MAP7: variants seen among roughly 807,000 people sequenced by gnomAD.
MAP7 encodes microtubule associated protein 7.
In MAP7, 52 loss-of-function variants were observed where a neutral mutation model predicts 94.8. The ratio of observed to expected loss-of-function variants is 0.55; its 90% CI spans 0.44 to 0.69. The LOEUF (loss-of-function observed/expected upper bound fraction) is 0.69. Ranked by LOEUF, MAP7 falls within the 30% of genes least tolerant of loss-of-function variation. MAP7 has a pLI of 0.00. For synonymous variants in MAP7, 350 were observed against 357.0 expected (o/e 0.98, Z 0.22); for missense variants, 940 against 964.6 (o/e 0.97, Z 0.34).
At chr6:136,491,708 T>C (rs1310544069) in intron 1 of MAP7, among the ~76,000 whole-genome samples, 2 of 152,220 alleles carry the variant, frequency 1.3e-5, no homozygotes, top group Non-Finnish European at 2.9e-5. Flanking sequence ...GTTATATTGA[T>C]TGAATGGAAA....
chr6:136,498,333 C>T (rs934378615), intron 1 of MAP7, among the ~76,000 whole-genome samples: 4 of 151,976 alleles, frequency 2.6e-5, no homozygotes, highest in Non-Finnish European at 5.9e-5. Flanking sequence ...GGAATAGGGC[C>T]CGTACATAGA....
At chr6:136,499,136 T>C (rs910869509) in intron 1 of MAP7, among the ~76,000 whole-genome samples, 3 of 152,058 alleles carry the variant, frequency 2.0e-5, no homozygotes, top group African/African-American at 2.4e-5. Context: ...GCCAGGCTGG[T>C]CTTGAACTCC....
At chr6:136,378,136 A>C (rs1281329324) in intron 6 of MAP7, among the ~76,000 whole-genome samples, 2 of 152,202 alleles carry the variant, frequency 1.3e-5, no homozygotes, top group African/African-American at 4.8e-5. Context: ...CTCTTTTACT[A>C]GTCAACTAGC....
At chr6:136,530,066 AC>A (rs1828351604) in intron 1 of MAP7, among the ~76,000 whole-genome samples, 1 of 152,224 alleles carries the variant, frequency 6.6e-6, no homozygotes. Flanking sequence ...GACTTGTGTG[AC>A]CATAAAGTTG....
rs1210453884 is a variant in MAP7 at position 136,540,570 on chromosome 6, CA to C, written c.67+9771del. Among the ~76,000 whole-genome samples the C allele has an allele frequency of 2.6e-5, 4 of 152,128 alleles. No individual in the cohort carries two copies. The East Asian group carries it at 7.7e-4, about 29-fold the overall frequency. On this transcript the variant is annotated intron_variant, in intron 1 of 17. Transcript: ENST00000354570. ...ACTGTATTCACATCTATATTTCCTT[CA>C]AAAAAGTCCTGGGGCAAAATAAGAG...
chr6:136,517,949 C>G (rs1367720013), intron 1 of MAP7, among the ~76,000 whole-genome samples: 1 of 152,164 alleles, frequency 6.6e-6, no homozygotes, highest in Admixed American at 6.5e-5. Flanking sequence ...AGATCTTAAG[C>G]TACATTATTT....
At chr6:136,416,325 T>C (rs1333394722) in intron 2 of MAP7, among the ~76,000 whole-genome samples, 2 of 152,166 alleles carry the variant, frequency 1.3e-5, no homozygotes, top group Non-Finnish European at 2.9e-5. Context: ...ATGCTAGAAG[T>C]TTAAATTTTA....
chr6:136,408,712 TG>T (rs1355544744), intron 3 of MAP7, among the ~76,000 whole-genome samples: 1 of 152,090 alleles, frequency 6.6e-6, no homozygotes, highest in Non-Finnish European at 1.5e-5. Flanking sequence ...ATTTTTTTTT[TG>T]TTTTCAAATT....
chr6:136,469,440 G>C (rs1159624821), intron 1 of MAP7, among the ~76,000 whole-genome samples: 1 of 151,904 alleles, frequency 6.6e-6, no homozygotes, highest in Non-Finnish European at 1.5e-5. Flanking sequence ...GCAGTGCAGT[G>C]GTGTGATCTT....
intron 1 of MAP7, among the ~76,000 whole-genome samples, chr6:136,491,967 G>A (rs1344326848): frequency 6.6e-6 from 1 of 152,208 alleles, no homozygotes; most frequent in Admixed American, 6.5e-5. Context: ...AGGGAAACTG[G>A]GGAGAGCGGG....
chr6:136,523,527 C>T (rs1430243372), intron 1 of MAP7, among the ~76,000 whole-genome samples: 2 of 152,176 alleles, frequency 1.3e-5, no homozygotes, highest in Admixed American at 1.3e-4. Flanking sequence ...AGTGAATATT[C>T]CTATTGTTAA....
chr6:136,368,329 A>G (rs1051137348), intron 8 of MAP7, among the ~76,000 whole-genome samples: 3 of 152,128 alleles, frequency 2.0e-5, no homozygotes, highest in African/African-American at 7.2e-5. Flanking sequence ...CCCACCATCT[A>G]TACAATCATC....
chr6:136,543,965 A>C (rs1288997752), intron 1 of MAP7, among the ~76,000 whole-genome samples: 1 of 152,210 alleles, frequency 6.6e-6, no homozygotes, highest in Non-Finnish European at 1.5e-5. Flanking sequence ...TCTGTTGCCC[A>C]GGCTGGAATG....
chr6:136,487,989 T>G (rs981022309), intron 1 of MAP7, among the ~76,000 whole-genome samples: 19 of 152,230 alleles, frequency 1.2e-4, no homozygotes, highest in African/African-American at 4.6e-4. Context: ...GACAGTATTA[T>G]TGCGAAAGGG....
intron 1 of MAP7, among the ~76,000 whole-genome samples, chr6:136,488,734 T>C (rs2128984275): frequency 6.6e-6 from 1 of 152,180 alleles, no homozygotes; most frequent in South Asian, 2.1e-4. Flanking sequence ...TGAGCCACCA[T>C]GCCTGGCCGC....
intron 8 of MAP7, among the ~76,000 whole-genome samples, chr6:136,372,194 T>C (rs1167082067): frequency 6.6e-6 from 1 of 152,220 alleles, no homozygotes; most frequent in African/African-American, 2.4e-5. Context: ...AATGAAAGTA[T>C]TCTGGCATTG....
chr6:136,538,462 T>A (rs9376195), intron 1 of MAP7, among the ~76,000 whole-genome samples: 1 of 151,966 alleles, frequency 6.6e-6, no homozygotes, highest in African/African-American at 2.4e-5. Context: ...ACATAACCTA[T>A]GTGGCAATAT....
At chr6:136,507,884 T>C (rs536768857) in intron 1 of MAP7, among the ~76,000 whole-genome samples, 1 of 152,350 alleles carries the variant, frequency 6.6e-6, no homozygotes, top group South Asian at 2.1e-4. Context: ...GTCCAAGTTT[T>C]AACTCCTACA....
chr6:136,394,970 A>ATATC (rs1582782641), intron 3 of MAP7, among the ~76,000 whole-genome samples: 2 of 131,236 alleles, frequency 1.5e-5, no homozygotes, highest in South Asian at 4.8e-4. Context: ...ATATATATAT[A>ATATC]TCACATTTTC....
Sources: allele counts gnomAD v4.1 joint callset (sites outside exome capture counted in the v4.1 genomes callset), GRCh38; gene constraint gnomAD v4.1.1; transcripts MANE v1.5; gene names NCBI Gene and HGNC (gene_info 2026-07-23, HGNC 2026-07-21).